The following HEATR1 variants were observed in gnomAD, a reference collection of about 807,000 sequenced individuals.
HEATR1 encodes HEAT repeat-containing protein 1.
A neutral mutation model predicts 248.2 loss-of-function variants in HEATR1; 77 were observed. The ratio of observed to expected loss-of-function variants is 0.31; its 90% CI spans 0.26 to 0.37. HEATR1 has a LOEUF of 0.37. Ranked by LOEUF, HEATR1 falls within the 10% of genes least tolerant of loss-of-function variation. HEATR1 has a pLI of 1.00. For synonymous variants in HEATR1, 897 were observed against 923.1 expected, an observed-to-expected ratio of 0.97 and a Z score of 0.51; for missense variants, 2,420 against 2,504.9, an observed-to-expected ratio of 0.97 and a Z score of 0.72.
At chr1:236,591,885 A>G (rs1340527439) in intron 11 of HEATR1, 108 bp downstream of exon 11, 6 of 631,968 alleles carry the variant, frequency 9.5e-6, no homozygotes, top group Non-Finnish European at 1.7e-5. Flanking sequence ...TTATCTCTGT[A>G]AAATTTTCCA....
intron 14 of HEATR1, 123 bp downstream of exon 14, chr1:236,587,279 C>T: frequency 2.3e-6 from 1 of 432,344 alleles, no homozygotes. Flanking sequence ...AAGATCTGTT[C>T]TACTACCACG....
At chr1:236,603,774 A>G (rs554855664) in intron 2 of HEATR1, among the ~76,000 whole-genome samples, 180 bp downstream of exon 2, 1 of 151,908 alleles carries the variant, frequency 6.6e-6, no homozygotes, top group South Asian at 2.1e-4. Context: ...ACTCATAAAC[A>G]TTTCAAGCAC....
chr1:236,574,966 C>G (rs1340628938), intron 22 of HEATR1, 63 bp from the exon 23 acceptor site: 2 of 1,475,772 alleles, frequency 1.4e-6, no homozygotes, highest in Non-Finnish European at 1.8e-6. Context: ...GCTCACTCTA[C>G]AGAGACACTC....
intron 28 of HEATR1, among the ~76,000 whole-genome samples, chr1:236,569,357 C>G (rs1663362055): frequency 6.6e-6 from 1 of 151,906 alleles, no homozygotes; most frequent in African/African-American, 2.4e-5. Flanking sequence ...TTTTCCTTTT[C>G]TGTTTTGTAA....
chr1:236,549,915 T>G lies in HEATR1; in HGVS notation c.*987A>C, dbSNP rs1043966293. 42 of 152,240 alleles carry G rather than the reference T, an allele frequency of 2.8e-4. No individual in the cohort carries two copies. The highest frequency in any genetic ancestry group is 9.6e-4 in the African/African-American group (40 of 41,470). The allele number at this position is 152,240 out of a possible 1,614,324, so 9.4% of individuals were successfully genotyped here. ...CTTCTATACTAGCAAGCTCTGTCTC[T>G]AAAATGCAAGTTGGCCTTTTGCTTG... On this transcript the variant is annotated 3_prime_UTR_variant, in exon 45 of 45. Coordinates refer to ENST00000366582, the MANE Select transcript of HEATR1 (RefSeq NM_018072.6).
At position 236,595,597 on chromosome 1, in the gene HEATR1, G is replaced by A. The variant is rs1358861245; in HGVS notation, c.1033C>T (p.Pro345Ser). 1 of 1,607,506 alleles carries A rather than the reference G, an allele frequency of 6.2e-7. No individual in the cohort carries two copies. Among genetic ancestry groups the A allele is most frequent in the South Asian group, 1.1e-5 (1 of 90,982 alleles). ...HGISETYDVS[P>S]LLHYMLPHLV... ...TGGGGAAGCATGTAATGCAGAAGAG[G>A]ACTGACATCGTAAGTTTCAGAAATC... Residue 345 changes from proline to serine, a missense_variant, in exon 8 of 45, where the codon CCT becomes TCT. By Grantham distance (74) the Pro-to-Ser change is moderately conservative. Coordinates refer to ENST00000366582, the MANE Select transcript of HEATR1 (RefSeq NM_018072.6).
intron 26 of HEATR1, among the ~76,000 whole-genome samples, chr1:236,571,918 T>C (rs74145923): frequency 0.018 from 2,723 of 152,262 alleles, 76 homozygotes; most frequent in African/African-American, 0.062. Flanking sequence ...TATTGCACTT[T>C]CCATTAGCCT....
chr1:236,569,004 G>C lies in HEATR1; in HGVS notation c.4069C>G (p.Leu1357Val). ...GTATAAAGAGACCTTACCTGAATAA[G>C]TGCGGGAATAACCATTTTCACTGTC... ...NKTVKMVIPA[L>V]IQSDSGDSIE... Residue 1357 changes from leucine to valine, a missense_variant, in exon 29 of 45, where the codon CTT (leucine) becomes GTT (valine). Coordinates refer to ENST00000366582, the MANE Select transcript of HEATR1 (RefSeq NM_018072.6). 6.3e-7 allele frequency: 1 copy of C among 1,596,218 alleles called. No homozygotes were observed. The highest frequency in any genetic ancestry group is 8.5e-7 in the Non-Finnish European group (1 of 1,173,178).
At position 236,583,142 on chromosome 1, in the gene HEATR1, C is replaced by T. The variant is rs1663797992; in HGVS notation, c.2296G>A (p.Glu766Lys). The T allele has an allele frequency of 6.2e-7, 1 of 1,613,832 alleles. No individual in the cohort carries two copies. The highest frequency in any genetic ancestry group is 8.5e-7 in the Non-Finnish European group (1 of 1,179,916). The change falls in exon 18 of 45, where the codon GAG becomes AAG. Residue 766 changes from glutamate to lysine, a missense_variant. Physicochemically the swap from Glu to Lys is moderately conservative, Grantham distance 56. Coordinates refer to ENST00000366582, the MANE Select transcript of HEATR1 (RefSeq NM_018072.6). Reference sequence around the variant, plus strand: ...TCTTCTACATAATGTGCCCACAGCTCCACTGGGATCCCTCTGTCTAACATC... The same window carrying T: ...TCTTCTACATAATGTGCCCACAGCTTCACTGGGATCCCTCTGTCTAACATC... ...ELMLDRGIPV[E>K]LWAHYVEELN...
intron 30 of HEATR1, 140 bp downstream of exon 30, chr1:236,566,506 C>G (rs1373137951): frequency 3.1e-5 from 21 of 684,682 alleles, no homozygotes; most frequent in Non-Finnish European, 5.1e-5. Flanking sequence ...TGCCAAAAAC[C>G]TTTTTGAAAA....
At chr1:236,591,191 T>C (rs1317662745) in intron 11 of HEATR1, among the ~76,000 whole-genome samples, 1 of 152,226 alleles carries the variant, frequency 6.6e-6, no homozygotes, top group Non-Finnish European at 1.5e-5. Context: ...TATGTGTAGG[T>C]TTAATTTAGT....
In HEATR1 at chr1:236,581,376, A is replaced by G; in HGVS notation, c.2601T>C (p.Cys867=). ...TAGAACCATAGGTCCATAAAACAGA[A>G]CAGAACTTGAATAACTGAAAAACAT... ...LEDVFQLFKF[C]SVLWTYGSSL... Residue 867 remains cysteine, a synonymous_variant, in exon 20 of 45, where the codon TGT becomes TGC. Coordinates refer to ENST00000366582, the MANE Select transcript of HEATR1 (RefSeq NM_018072.6). The G allele has an allele frequency of 6.4e-7, 1 of 1,572,840 alleles. No homozygotes were observed.
Position 236,558,267 on chromosome 1 carries a change from AG to A in HEATR1, c.5173del (p.Leu1725TrpfsTer12). ...AAGCTGGGGGATGGCCAGCGCCTCC[AG>A]GGTGGAGGTCACCTCTGCTATGCAC... The part of the protein sequence containing the change: ...LLCIAEVTST[L>X]EALAIPQLPS... On this transcript the variant is annotated frameshift_variant, in exon 36 of 45. Coordinates refer to ENST00000366582, the MANE Select transcript of HEATR1 (RefSeq NM_018072.6). LOFTEE classifies it high-confidence loss of function. The A allele has an allele frequency of 6.2e-7, 1 of 1,613,604 alleles. No individual in the cohort carries two copies. The highest frequency in any genetic ancestry group is 8.5e-7 in the Non-Finnish European group (1 of 1,179,822).
At chr1:236,561,881 T>TC (rs910752200) in intron 32 of HEATR1, among the ~76,000 whole-genome samples, 12 of 152,224 alleles carry the variant, frequency 7.9e-5, no homozygotes, top group African/African-American at 2.9e-4. Context: ...GTCCATTTTT[T>TC]CCCCTTTTAC....
intron 23 of HEATR1, 36 bp downstream of exon 23, chr1:236,574,625 C>T: frequency 6.3e-7 from 1 of 1,577,142 alleles, no homozygotes. Flanking sequence ...AATGCTTGAA[C>T]ATGCTATGCC....
chr1:236,568,947 A>G (rs907015736), intron 29 of HEATR1, 49 bp downstream of exon 29: 2 of 1,338,088 alleles, frequency 1.5e-6, no homozygotes, highest in Non-Finnish European at 1.9e-6. Flanking sequence ...TATATGCAAA[A>G]TTTTTAAATT....
intron 32 of HEATR1, among the ~76,000 whole-genome samples, chr1:236,564,021 G>A (rs1663205748): frequency 6.6e-6 from 1 of 152,188 alleles, no homozygotes. Flanking sequence ...GGGAGGCTGA[G>A]GCAAGAGGAT....
rs1021075581 is a variant in HEATR1 at position 236,550,618 on chromosome 1, C to T, written c.*284G>A. On this transcript the variant is annotated 3_prime_UTR_variant, in exon 45 of 45. Coordinates refer to ENST00000366582, the MANE Select transcript of HEATR1 (RefSeq NM_018072.6). ...AAAATTAACAAGTCTAATATTATTA[C>T]CATCAATCAGGAAGAGAATAATAAA... 4.2e-5 allele frequency: 14 copies of T among 333,294 alleles called. No homozygotes were observed. Among genetic ancestry groups the T allele is most frequent in the Non-Finnish European group, 5.4e-6 (1 of 184,430 alleles). 20.6% of individuals were successfully genotyped at this position (333,294 alleles called of 1,614,324 possible).
At chr1:236,570,212 C>T (rs1430645289) in intron 28 of HEATR1, among the ~76,000 whole-genome samples, 1 of 152,170 alleles carries the variant, frequency 6.6e-6, no homozygotes, top group Non-Finnish European at 1.5e-5. Flanking sequence ...TGGCATGAAC[C>T]CAAGAGGCAG....
Sources: gnomAD v4.1 joint callset for allele counts (sites outside exome capture counted in the v4.1 genomes callset) on GRCh38, gnomAD v4.1.1 for gene constraint, MANE v1.5 for transcripts, NCBI Gene and HGNC (gene_info 2026-07-23, HGNC 2026-07-21) for gene names.